Variants in ATP6V1H observed in about 807,000 individuals in gnomAD.
ATP6V1H encodes the protein V-type proton ATPase subunit H.
In ATP6V1H, 39 loss-of-function variants were observed where a neutral mutation model predicts 71.7. The ratio of observed to expected loss-of-function variants is 0.54; its 90% CI spans 0.42 to 0.71. The LOEUF (loss-of-function observed/expected upper bound fraction) is 0.71, where lower values mean the gene tolerates loss of function less well. Ranked by LOEUF, ATP6V1H falls within the 30% of genes least tolerant of loss-of-function variation. The pLI is 0.00. For synonymous variants in ATP6V1H, 192 were observed against 199.3 expected (o/e 0.96, Z 0.31); for missense variants, 509 against 594.9 (o/e 0.86, Z 1.50).
intron 12 of ATP6V1H, among the ~76,000 whole-genome samples, chr8:53,753,913 C>T (rs1025686351): frequency 5.3e-5 from 8 of 152,286 alleles, no homozygotes; most frequent in African/African-American, 1.7e-4. Flanking sequence ...CCCGGTAGAA[C>T]ACATGAGACT....
At chr8:53,838,582 T>A (rs1053819496) in intron 2 of ATP6V1H, among the ~76,000 whole-genome samples, 14 of 152,174 alleles carry the variant, frequency 9.2e-5, no homozygotes, top group African/African-American at 3.4e-4. Context: ...GCTATTTAAT[T>A]TGATAAAAGT....
chr8:53,819,347 C>T lies in ATP6V1H; in HGVS notation c.307-1817G>A, dbSNP rs1464031256. 3.3e-5 allele frequency among the ~76,000 whole-genome samples: 5 copies of T among 151,374 alleles called. No homozygotes were observed. The South Asian group carries it at 6.3e-4, about 19-fold the overall frequency. The stretch of plus-strand genomic sequence containing the variant: ...AGGAGTTCGAGACCAGCCTGGCCAA[C>T]GTGGTGAAACCCCATCTCTACTGAA... On this transcript the variant is annotated intron_variant, in intron 4 of 13. Coordinates refer to ENST00000359530, the MANE Select transcript of ATP6V1H (RefSeq NM_015941.4).
intron 13 of ATP6V1H, among the ~76,000 whole-genome samples, chr8:53,726,781 T>C (rs1195918840): frequency 6.6e-6 from 1 of 152,094 alleles, no homozygotes; most frequent in Admixed American, 6.6e-5. Flanking sequence ...TAGGACTGTC[T>C]CCCTCCGCTC....
intron 13 of ATP6V1H, among the ~76,000 whole-genome samples, chr8:53,719,276 T>C (rs2130071784): frequency 6.6e-6 from 1 of 152,282 alleles, no homozygotes; most frequent in East Asian, 1.9e-4. Context: ...ATTCAAGTGA[T>C]TCTCCTGCCT....
chr8:53,773,315 A>G (rs767787158), intron 9 of ATP6V1H, among the ~76,000 whole-genome samples: 5 of 152,236 alleles, frequency 3.3e-5, no homozygotes, highest in Non-Finnish European at 7.3e-5. Context: ...AAATTACTTC[A>G]AAACTAAAAC....
At chr8:53,727,389 A>G (rs1806849314) in intron 13 of ATP6V1H, among the ~76,000 whole-genome samples, 2 of 152,112 alleles carry the variant, frequency 1.3e-5, no homozygotes, top group African/African-American at 4.8e-5. Flanking sequence ...AGTTCTCCCT[A>G]GAGTTAAGCA....
intron 12 of ATP6V1H, among the ~76,000 whole-genome samples, chr8:53,746,131 A>C (rs1033754075): frequency 6.6e-6 from 1 of 152,234 alleles, no homozygotes; most frequent in Non-Finnish European, 1.5e-5. Context: ...CATATTTTTC[A>C]TCTCATGTAA....
chr8:53,772,226 G>C (rs1214699032), intron 9 of ATP6V1H, 59 bp from the exon 10 acceptor site: 2 of 1,348,518 alleles, frequency 1.5e-6, no homozygotes, highest in Non-Finnish European at 2.0e-6. Context: ...TGGATTCAGA[G>C]ACCTCTGCAC....
At chr8:53,829,816 G>A (rs4738025) in intron 3 of ATP6V1H, among the ~76,000 whole-genome samples, 19,396 of 152,010 alleles carry the variant, frequency 0.13, 1,817 homozygotes, top group East Asian at 0.45. Flanking sequence ...TACCGACGAC[G>A]GCATAAAGTT....
chr8:53,841,858 G>T, intron 1 of ATP6V1H, 133 bp from the exon 2 acceptor site: 1 of 785,020 alleles, frequency 1.3e-6, no homozygotes, highest in Non-Finnish European at 1.9e-6. Flanking sequence ...AATGTCCTAA[G>T]TCTGAAAGTA....
At chr8:53,807,535 G>C (rs1810122888) in intron 7 of ATP6V1H, among the ~76,000 whole-genome samples, 1 of 152,138 alleles carries the variant, frequency 6.6e-6, no homozygotes, top group South Asian at 2.1e-4. Context: ...TATGCTAAGT[G>C]AAGGAAGCCA....
rs1048350892 is a variant in ATP6V1H, at chr8:53,724,588, C to T, written c.1392-8564G>A. Among the ~76,000 whole-genome samples, 11 of 143,014 alleles carry T rather than the reference C, an allele frequency of 7.7e-5. No individual in the cohort carries two copies. The Admixed American group carries it at 7.7e-4, about 10-fold the overall frequency. The allele number at this position is 143,014 out of a possible 152,430, so 93.8% of individuals were successfully genotyped here. ...GGAACACCCCTCCCTCCTCCCCCCT[C>T]CCCCTCCTCCCCGCCCCACCCCGAC... is the stretch of plus-strand genomic sequence containing the variant. On this transcript the variant is annotated intron_variant, in intron 13 of 13. Transcript: ENST00000359530.
chr8:53,788,648 C>G (rs1809460479), intron 9 of ATP6V1H, among the ~76,000 whole-genome samples: 1 of 152,206 alleles, frequency 6.6e-6, no homozygotes, highest in Non-Finnish European at 1.5e-5. Flanking sequence ...CCATCTACCA[C>G]CTTTCACCAT....
At chr8:53,777,528 A>G (rs966106109) in intron 9 of ATP6V1H, among the ~76,000 whole-genome samples, 13 of 152,200 alleles carry the variant, frequency 8.5e-5, no homozygotes, top group African/African-American at 2.9e-4. Flanking sequence ...ATCCTTCCAG[A>G]ATAAAGGTAA....
chr8:53,816,495 T>A (rs1014133476), intron 5 of ATP6V1H, among the ~76,000 whole-genome samples: 2 of 152,150 alleles, frequency 1.3e-5, no homozygotes, highest in African/African-American at 4.8e-5. Flanking sequence ...AAACATAGCC[T>A]AAGTTTAAAA....
rs530751181 is a variant in ATP6V1H, at chr8:53,744,548, G to A, written c.1278-858C>T. 4.6e-5 allele frequency among the ~76,000 whole-genome samples: 7 copies of A among 152,258 alleles called. No homozygotes were observed. In the South Asian group the frequency reaches 8.3e-4, roughly 18 times the overall value. On this transcript the variant is annotated intron_variant, in intron 12 of 13. Coordinates refer to ENST00000359530, the MANE Select transcript of ATP6V1H (RefSeq NM_015941.4). ...ACCTACAATATAGTCAGTGACAAGC[G>A]GCACCTTAATGCAGTACAGTGTTTG...
At chr8:53,838,287 G>A (rs1241592380) in intron 2 of ATP6V1H, among the ~76,000 whole-genome samples, 1 of 151,986 alleles carries the variant, frequency 6.6e-6, no homozygotes, top group African/African-American at 2.4e-5. Context: ...CACCACACAC[G>A]GCTAATTTTT....
rs191951935 is a variant in ATP6V1H at position 53,767,753 on chromosome 8, A to G, written c.1175+1865T>C. 2.2e-3 allele frequency among the ~76,000 whole-genome samples: 334 copies of G among 152,338 alleles called. 2 individuals are homozygous for G. Among genetic ancestry groups the G allele is most frequent in the African/African-American group, 7.8e-3 (323 of 41,578 alleles). ...TTCAACAAATAGTACTTAGGACAACAGGATAGCCACATGCAAAAGAAAGAA... is the reference window on the plus strand; with the variant it reads ...TTCAACAAATAGTACTTAGGACAACGGGATAGCCACATGCAAAAGAAAGAA... On this transcript the variant is annotated intron_variant, in intron 11 of 13. Transcript: ENST00000359530.
intron 9 of ATP6V1H, among the ~76,000 whole-genome samples, chr8:53,790,152 T>G (rs1809523226): frequency 6.6e-6 from 1 of 152,244 alleles, no homozygotes; most frequent in South Asian, 2.1e-4. Flanking sequence ...GTTCATCTAA[T>G]TAAGTAAACA....
Sources: allele counts gnomAD v4.1 joint callset (sites outside exome capture counted in the v4.1 genomes callset), GRCh38; gene constraint gnomAD v4.1.1; transcripts MANE v1.5; gene names NCBI Gene and HGNC (gene_info 2026-07-23, HGNC 2026-07-21).